Variants in RARS2 observed in about 807,000 individuals in gnomAD.
RARS2 encodes probable arginine--tRNA ligase, mitochondrial.
Under a neutral mutation model 88.5 loss-of-function variants are expected in RARS2, and 67 were observed. That is an observed-to-expected ratio of 0.76 (90% CI 0.62 to 0.93). The LOEUF is 0.93. Among genes scored for constraint, RARS2 ranks in the 40% least tolerant of loss-of-function variants. The pLI is 0.00. For missense variants in RARS2, 664 were observed against 684.2 expected (o/e 0.97, Z 0.33); for synonymous variants, 239 against 230.3 (o/e 1.04, Z -0.34).
intron 1 of RARS2, among the ~76,000 whole-genome samples, chr6:87,585,732 A>AAAAT (rs59852322): frequency 0.011 from 1,674 of 151,076 alleles, 29 homozygotes; most frequent in African/African-American, 0.038. Context: ...ACTCCATCTC[A>AAAAT]AAATAAATAA....
chr6:87,560,239 ACTTTTT>A (rs553079488), intron 4 of RARS2, among the ~76,000 whole-genome samples: 2 of 152,244 alleles, frequency 1.3e-5, no homozygotes, highest in Non-Finnish European at 2.9e-5. Context: ...TTTAAATTTA[ACTTTTT>A]CTTTTACTTT....
chr6:87,580,916 T>C (rs912143206), intron 1 of RARS2, among the ~76,000 whole-genome samples: 1 of 152,178 alleles, frequency 6.6e-6, no homozygotes, highest in African/African-American at 2.4e-5. Context: ...GTGCTTACAA[T>C]GTACCAAGCA....
At chr6:87,582,294 C>G (rs943741026) in intron 1 of RARS2, among the ~76,000 whole-genome samples, 1 of 152,188 alleles carries the variant, frequency 6.6e-6, no homozygotes, top group South Asian at 2.1e-4. Flanking sequence ...TTAATGATCA[C>G]CATTCTGACT....
chr6:87,519,529 T>C, intron 14 of RARS2, 54 bp downstream of exon 14: 1 of 1,553,614 alleles, frequency 6.4e-7, no homozygotes, highest in Non-Finnish European at 8.9e-7. Context: ...AAGTCCAGAA[T>C]AACATAAAAG....
Position 87,569,580 on chromosome 6 carries a change from A to G in RARS2, c.47T>C (p.Val16Ala), listed in dbSNP as rs772384834. The G allele has an allele frequency of 6.8e-6, 11 of 1,606,658 alleles. No homozygotes were observed. In the East Asian group the frequency reaches 1.6e-4, roughly 23 times the overall value. The change falls in exon 2 of 20, where the codon GTG becomes GCG. Residue 16 changes from valine (V) to alanine (A), a missense_variant. Val to Ala is a moderately conservative substitution (Grantham distance 64). Transcript: ENST00000369536. Reference protein sequence around the residue: ...RRAIACQLSRVLNLPPENLIT... With the variant: ...RRAIACQLSRALNLPPENLIT... ...CAAGTTTTCTGGTGGAAGATTCAAC[A>G]CTCTGGAAAGCTAAAAATCAAAAAG...
Position 87,514,557 on chromosome 6 carries a change from C to T in RARS2, c.1651-58G>A, listed in dbSNP as rs924551615. The T allele has an allele frequency of 3.6e-6, 5 of 1,386,084 alleles. No homozygotes were observed. In the African/African-American group the frequency reaches 5.7e-5, roughly 16 times the overall value. 85.9% of individuals were successfully genotyped at this position (1,386,084 alleles called of 1,614,324 possible). ...TTCAGTAACAGGAATGTATTCAATA[C>T]ATGAGAATGGTTTTAAAGGTTATTC... On this transcript the variant is annotated intron_variant, in intron 19 of 19. Coordinates refer to ENST00000369536, the MANE Select transcript of RARS2 (RefSeq NM_020320.5).
intron 1 of RARS2, among the ~76,000 whole-genome samples, chr6:87,588,173 C>T (rs886093714): frequency 1.3e-5 from 2 of 152,146 alleles, no homozygotes; most frequent in Non-Finnish European, 2.9e-5. Context: ...GAATGGAAAA[C>T]GTCCACCCTT....
chr6:87,551,626 CAAAAAAAAAA>C (rs71018036), intron 5 of RARS2, among the ~76,000 whole-genome samples: 1 of 65,166 alleles, frequency 1.5e-5, no homozygotes, highest in Non-Finnish European at 2.6e-5. Flanking sequence ...TCCGTCTCAA[CAAAAAAAAAA>C]AAAAAAAAAA....
chr6:87,575,277 A>ACACACACACACACACACACACACC (rs1422126329), intron 1 of RARS2, among the ~76,000 whole-genome samples: 1 of 140,056 alleles, frequency 7.1e-6, no homozygotes. Context: ...ACACACACAC[A>ACACACACACACACACACACACACC]CCTTGGCTTC....
At chr6:87,521,435 G>T in intron 12 of RARS2, 29 bp downstream of exon 12, 1 of 1,504,562 alleles carries the variant, frequency 6.6e-7, no homozygotes, top group Non-Finnish European at 9.2e-7. Flanking sequence ...TGAGTTAAGA[G>T]ATCATAACTT....
intron 11 of RARS2, 93 bp downstream of exon 11, chr6:87,524,464 G>A (rs1774998332): frequency 1.0e-6 from 1 of 985,234 alleles, no homozygotes; most frequent in Middle Eastern, 2.2e-4. Flanking sequence ...CATCAGCTGT[G>A]GAATCCGATA....
intron 8 of RARS2, among the ~76,000 whole-genome samples, chr6:87,534,639 C>CAG (rs912993148): frequency 1.3e-5 from 2 of 152,044 alleles, no homozygotes; most frequent in African/African-American, 2.4e-5. Flanking sequence ...CCCAAATAAG[C>CAG]AGAGAGAGAG....
intron 12 of RARS2, among the ~76,000 whole-genome samples, chr6:87,520,974 CCACA>C (rs1228558979): frequency 1.3e-5 from 2 of 152,074 alleles, no homozygotes; most frequent in African/African-American, 4.8e-5. Flanking sequence ...AAAACCATAG[CCACA>C]CAAACATTTA....
chr6:87,521,670 C>A, intron 11 of RARS2, 146 bp from the exon 12 acceptor site: 1 of 595,924 alleles, frequency 1.7e-6, no homozygotes, highest in Non-Finnish European at 3.0e-6. Flanking sequence ...TTAGATAATC[C>A]GAATATCATG....
intron 8 of RARS2, among the ~76,000 whole-genome samples, chr6:87,533,994 ATATATT>A (rs1778380765): frequency 6.6e-6 from 1 of 152,086 alleles, no homozygotes; most frequent in African/African-American, 2.4e-5. Flanking sequence ...CCCTTTTTTC[ATATATT>A]TATGTCATCT....
intron 2 of RARS2, 24 bp from the exon 3 acceptor site, chr6:87,564,256 A>G: frequency 6.7e-7 from 1 of 1,495,234 alleles, no homozygotes; most frequent in African/African-American, 1.4e-5. Flanking sequence ...TCGAAACGAG[A>G]TAGAACTGTT....
intron 1 of RARS2, among the ~76,000 whole-genome samples, chr6:87,579,963 T>C (rs1360390104): frequency 6.6e-6 from 1 of 151,850 alleles, no homozygotes; most frequent in African/African-American, 2.4e-5. Context: ...ATGGTCTTGA[T>C]CTCTTGACCT....
At chr6:87,520,103 G>T in intron 13 of RARS2, 77 bp downstream of exon 13, 1 of 1,224,302 alleles carries the variant, frequency 8.2e-7, no homozygotes, top group Non-Finnish European at 1.2e-6. Context: ...AAATCTGAGT[G>T]AAAAACTTTA....
At chr6:87,536,162 CAA>C (rs56704136) in intron 8 of RARS2, among the ~76,000 whole-genome samples, 1 of 151,028 alleles carries the variant, frequency 6.6e-6, no homozygotes, top group Admixed American at 6.6e-5. Context: ...CCTTCTATAG[CAA>C]AAAAAAAGGT....
Sources: gnomAD v4.1 joint callset for allele counts (sites outside exome capture counted in the v4.1 genomes callset) on GRCh38, gnomAD v4.1.1 for gene constraint, MANE v1.5 for transcripts, NCBI Gene and HGNC (gene_info 2026-07-23, HGNC 2026-07-21) for gene names.